ANLN: variants seen among roughly 807,000 people sequenced by gnomAD.
ANLN encodes anillin.
In ANLN, 59 loss-of-function variants were observed where a neutral mutation model predicts 135.1. That is an observed-to-expected ratio of 0.44 (90% CI 0.35 to 0.54). The LOEUF (loss-of-function observed/expected upper bound fraction) is 0.54, where lower values mean the gene tolerates loss of function less well. Among genes scored for constraint, ANLN ranks in the 20% least tolerant of loss-of-function variants. The pLI is 0.00. For missense variants in ANLN, 1,182 were observed against 1,340.0 expected (o/e 0.88, Z 1.84); for synonymous variants, 406 against 456.4 (o/e 0.89, Z 1.41).
chr7:36,413,862 C>T (rs763531012), intron 7 of ANLN, among the ~76,000 whole-genome samples: 13 of 151,996 alleles, frequency 8.6e-5, no homozygotes, highest in Non-Finnish European at 1.3e-4. Context: ...GGCCTGGTGG[C>T]GGGTGCCTGT....
chr7:36,435,384 GT>G (rs1788486937), intron 20 of ANLN, among the ~76,000 whole-genome samples: 2 of 132,264 alleles, frequency 1.5e-5, no homozygotes, highest in African/African-American at 5.4e-5. Flanking sequence ...AATAGAGATG[GT>G]GGGGGGGGGG....
intron 20 of ANLN, among the ~76,000 whole-genome samples, chr7:36,435,937 A>C (rs1788531199): frequency 6.8e-6 from 1 of 146,314 alleles, no homozygotes; most frequent in Non-Finnish European, 1.5e-5. Context: ...TTAGTAGTTC[A>C]TTGTTTTCAA....
chr7:36,440,966 C>T (rs917990198), intron 21 of ANLN, among the ~76,000 whole-genome samples: 2 of 152,024 alleles, frequency 1.3e-5, no homozygotes, highest in African/African-American at 2.4e-5. Context: ...TTAAGGAAAG[C>T]CCGGTGGTCT....
chr7:36,406,454 A>AGCAGGAAGC lies in ANLN; in HGVS notation c.762_770dup (p.Gln255_Ala257dup). On this transcript the variant is annotated inframe_insertion, in exon 4 of 24. Coordinates refer to ENST00000265748, the MANE Select transcript of ANLN (RefSeq NM_018685.5). ...GCTAGGATCAATAGCAGCAGTGTTA[A>AGCAGGAAGC]GCAGGAAGCTACATTCTGTTCCCAA... 6.2e-7 allele frequency: 1 copy of AGCAGGAAGC among 1,612,258 alleles called. No individual in the cohort carries two copies. The highest frequency in any genetic ancestry group is 8.5e-7 in the Non-Finnish European group (1 of 1,178,614).
chr7:36,431,476 A>G (rs995557745), intron 20 of ANLN, among the ~76,000 whole-genome samples: 21 of 151,072 alleles, frequency 1.4e-4, no homozygotes, highest in African/African-American at 5.1e-4. Context: ...CTTCCTTTCT[A>G]TCTTGACTCA....
rs560656968 is a variant in ANLN at position 36,407,465 on chromosome 7, TAAAG to T, written c.874-267_874-264del. Among the ~76,000 whole-genome samples, 541 of 152,234 alleles carry T rather than the reference TAAAG, an allele frequency of 3.6e-3. 1 individual carries two copies. The highest frequency in any genetic ancestry group is 6.1e-3 in the Non-Finnish European group (414 of 67,982). On this transcript the variant is annotated intron_variant, in intron 4 of 23. Transcript: ENST00000265748. ...ATATGAATAAAACTTTTTTTTTAAA[TAAAG>T]AGTGATCATACTGCTAATACTTCAT...
At chr7:36,447,675 C>T (rs188893759) in intron 22 of ANLN, among the ~76,000 whole-genome samples, 80 of 152,150 alleles carry the variant, frequency 5.3e-4, no homozygotes, top group Middle Eastern at 3.4e-3. Flanking sequence ...TAACTCAGAA[C>T]GCTACTAAGT....
intron 5 of ANLN, among the ~76,000 whole-genome samples, chr7:36,408,376 A>G (rs1014429591): frequency 1.3e-5 from 2 of 152,202 alleles, no homozygotes; most frequent in African/African-American, 4.8e-5. Context: ...TGTGCATGCA[A>G]ATGACTCCAC....
intron 15 of ANLN, among the ~76,000 whole-genome samples, 159 bp downstream of exon 15, chr7:36,424,102 CAT>C (rs1787987019): frequency 6.6e-6 from 1 of 152,106 alleles, no homozygotes; most frequent in African/African-American, 2.4e-5. Flanking sequence ...TGCTTTAACT[CAT>C]ATGTTTCTAT....
chr7:36,416,994 G>GAAAAAA, intron 8 of ANLN, 86 bp from the exon 9 acceptor site: 1 of 583,682 alleles, frequency 1.7e-6, no homozygotes, highest in Non-Finnish European at 2.7e-6. Flanking sequence ...TTTATAATCA[G>GAAAAAA]AAAAAAAAAA....
chr7:36,416,834 G>T (rs1042436111), intron 8 of ANLN, among the ~76,000 whole-genome samples: 3 of 151,824 alleles, frequency 2.0e-5, no homozygotes, highest in Non-Finnish European at 4.4e-5. Flanking sequence ...AGTTACTTAT[G>T]TCCTCCTGCT....
intron 22 of ANLN, among the ~76,000 whole-genome samples, chr7:36,447,027 G>C (rs1018721218): frequency 6.6e-6 from 1 of 152,164 alleles, no homozygotes; most frequent in Non-Finnish European, 1.5e-5. Flanking sequence ...TGAAACCATA[G>C]ATAAGTACCA....
intron 6 of ANLN, 152 bp downstream of exon 6, chr7:36,410,856 G>T: frequency 3.3e-6 from 3 of 910,498 alleles, no homozygotes; most frequent in Non-Finnish European, 5.0e-6. Flanking sequence ...GGCACATTCA[G>T]GGTGGTATGG....
chr7:36,415,841 C>T lies in ANLN; in HGVS notation c.1479C>T (p.Thr493=), dbSNP rs917418574. The change falls in exon 8 of 24, where the codon ACC becomes ACT. Residue 493 remains threonine, a synonymous_variant. Transcript: ENST00000265748. ...TQSLPVTEKV[T]ENQIPAKNSS... ...CACTTCCAGTAACAGAAAAGGTGAC[C>T]GAAAACCAGATACCAGCCAAAAATT... 5.6e-6 allele frequency: 9 copies of T among 1,606,802 alleles called. No individual in the cohort carries two copies. The highest frequency in any genetic ancestry group is 4.0e-5 in the African/African-American group (3 of 74,430).
intron 2 of ANLN, among the ~76,000 whole-genome samples, chr7:36,398,853 A>G (rs1433618572): frequency 1.3e-5 from 2 of 151,174 alleles, no homozygotes; most frequent in Non-Finnish European, 2.9e-5. Flanking sequence ...ATATCTTTTC[A>G]TTAAGGTTTT....
intron 2 of ANLN, 98 bp downstream of exon 2, chr7:36,396,517 T>G: frequency 4.9e-6 from 6 of 1,223,586 alleles, no homozygotes; most frequent in Non-Finnish European, 6.6e-6. Flanking sequence ...AACCAAGCTC[T>G]TTGGGAGACA....
At chr7:36,417,903 C>T (rs1787713849) in intron 9 of ANLN, among the ~76,000 whole-genome samples, 1 of 152,018 alleles carries the variant, frequency 6.6e-6, no homozygotes, top group South Asian at 2.1e-4. Flanking sequence ...TCTGGAACTC[C>T]TGACCTCGTG....
At chr7:36,390,363 G>A (rs570373819) in intron 1 of ANLN, 2 of 407,662 alleles carry the variant, frequency 4.9e-6, no homozygotes, top group East Asian at 4.1e-5. Context: ...AGAGTGAGGC[G>A]CAGGCCTGCG....
At chr7:36,409,948 A>T (rs1177531573) in intron 5 of ANLN, among the ~76,000 whole-genome samples, 1 of 152,188 alleles carries the variant, frequency 6.6e-6, no homozygotes, top group Non-Finnish European at 1.5e-5. Context: ...CTAGGGTTAC[A>T]GGTGTGAGCC....
Sources: gnomAD v4.1 joint callset for allele counts (sites outside exome capture counted in the v4.1 genomes callset) on GRCh38, gnomAD v4.1.1 for gene constraint, MANE v1.5 for transcripts, NCBI Gene and HGNC (gene_info 2026-07-23, HGNC 2026-07-21) for gene names.